Variants in SHISA5 observed in about 807,000 individuals in gnomAD.
The protein encoded by SHISA5 is shisa family member 5, also known as protein shisa-5.
SHISA5 carries 21 observed loss-of-function variants against 27.5 expected under a neutral mutation model. That is an observed-to-expected ratio of 0.76 (90% CI 0.54 to 1.10). The LOEUF (loss-of-function observed/expected upper bound fraction) is 1.10, where lower values mean the gene tolerates loss of function less well. Ranked by LOEUF, SHISA5 falls within the 50% of genes least tolerant of loss-of-function variation. SHISA5 has a pLI of 0.00. For synonymous variants in SHISA5, 137 were observed against 142.2 expected (o/e 0.96, Z 0.26); for missense variants, 314 against 336.3 (o/e 0.93, Z 0.52).
At chr3:48,498,471 G>A (rs564438694) in intron 2 of SHISA5, among the ~76,000 whole-genome samples, 1 of 152,224 alleles carries the variant, frequency 6.6e-6, no homozygotes, top group East Asian at 1.9e-4. Flanking sequence ...CAGATTGCCT[G>A]AGCTCAGTAG....
At chr3:48,485,979 A>G (rs1344366683) in intron 2 of SHISA5, among the ~76,000 whole-genome samples, 1 of 151,244 alleles carries the variant, frequency 6.6e-6, no homozygotes, top group Non-Finnish European at 1.5e-5. Context: ...CTTAAGAGGA[A>G]GGGAGAGACT....
In SHISA5 at chr3:48,473,634, T is replaced by A; in HGVS notation, c.315-3791A>T. The A allele has an allele frequency of 8.4e-7, 1 of 1,187,086 alleles. No homozygotes were observed. The highest frequency in any genetic ancestry group is 1.1e-6 in the Non-Finnish European group (1 of 937,320). The allele number at this position is 1,187,086 out of a possible 1,614,324, so 73.5% of individuals were successfully genotyped here. A position where few individuals can be genotyped will look rare whatever the true frequency, so the allele number is the denominator to read the frequency against. On this transcript the variant is annotated intron_variant, in intron 3 of 5. Coordinates refer to ENST00000296444, the MANE Select transcript of SHISA5 (RefSeq NM_016479.6). The surrounding 1 kb of genome is among the most constrained non-coding windows in gnomAD (Gnocchi z 4.3). ...TACTGGGGCCACCATGCAAGGTCCA[T>A]CATGTCACCACCTGCTCAAACGCCA...
At chr3:48,501,355 G>T in intron 1 of SHISA5, 62 bp from the exon 2 acceptor site, 2 of 1,560,086 alleles carry the variant, frequency 1.3e-6, no homozygotes, top group East Asian at 2.2e-5. Context: ...CAGACACAGC[G>T]CCCTCCCTGG....
intron 2 of SHISA5, among the ~76,000 whole-genome samples, chr3:48,483,748 C>T (rs2041105126): frequency 2.0e-5 from 3 of 150,122 alleles, no homozygotes; most frequent in African/African-American, 2.4e-5. Context: ...CCGGACGGGG[C>T]GGCTGGCCGG....
In SHISA5 at chr3:48,492,150, C is replaced by CAAAAA. The variant is rs1169630533; in HGVS notation, c.233+8982_233+8986dup. Among the ~76,000 whole-genome samples, 21 of 18,918 alleles carry CAAAAA rather than the reference C, an allele frequency of 1.1e-3. 9 individuals are homozygous for CAAAAA. The highest frequency in any genetic ancestry group is 2.1e-3 in the Non-Finnish European group (19 of 9,192). The allele number at this position is 18,918 out of a possible 152,430, so 12.4% of individuals were successfully genotyped here. On this transcript the variant is annotated intron_variant, in intron 2 of 5. Coordinates refer to ENST00000296444, the MANE Select transcript of SHISA5 (RefSeq NM_016479.6). ...CCGGGAACAGAGCAAGACTCCATCT[C>CAAAAA]AAAAAAAAAAAAAAAAAAAAAAAAA... is the stretch of plus-strand genomic sequence containing the variant.
intron 2 of SHISA5, among the ~76,000 whole-genome samples, chr3:48,484,111 T>C (rs944782022): frequency 3.3e-5 from 5 of 152,180 alleles, no homozygotes; most frequent in African/African-American, 1.2e-4. Flanking sequence ...TATAGCACAA[T>C]GGTGTCAGAG....
At chr3:48,497,242 T>C (rs2041580059) in intron 2 of SHISA5, among the ~76,000 whole-genome samples, 1 of 150,286 alleles carries the variant, frequency 6.7e-6, no homozygotes, top group Non-Finnish European at 1.5e-5. Flanking sequence ...GGGTTAACGG[T>C]CTTAAGGCTT....
At chr3:48,477,065 TCTC>T (rs1255022153) in intron 3 of SHISA5, 1 of 445,128 alleles carries the variant, frequency 2.2e-6, no homozygotes, top group African/African-American at 2.1e-5. Flanking sequence ...TTCCGCACTG[TCTC>T]CTCCTTGTTG....
intron 2 of SHISA5, among the ~76,000 whole-genome samples, chr3:48,486,768 C>T (rs929709793): frequency 2.7e-5 from 4 of 148,820 alleles, no homozygotes; most frequent in Non-Finnish European, 5.9e-5. Context: ...AAAAATTTGC[C>T]AGGCATGGTG....
At position 48,468,526 on chromosome 3, in the gene SHISA5, A is replaced by G. The variant is rs2040443540; in HGVS notation, c.*581T>C. Reference sequence around the variant, plus strand: ...ATCCCCAACAGGCATGACAGGCTCCAGGGAGCAATGGGACATCTGCCCAAA... The same window carrying G: ...ATCCCCAACAGGCATGACAGGCTCCGGGGAGCAATGGGACATCTGCCCAAA... On this transcript the variant is annotated 3_prime_UTR_variant, in exon 6 of 6. Coordinates refer to ENST00000296444, the MANE Select transcript of SHISA5 (RefSeq NM_016479.6). 8.4e-7 allele frequency: 1 copy of G among 1,186,664 alleles called. No homozygotes were observed. Among genetic ancestry groups the G allele is most frequent in the Non-Finnish European group, 1.1e-6 (1 of 941,834 alleles). 73.5% of individuals were successfully genotyped at this position (1,186,664 alleles called of 1,614,324 possible).
Position 48,469,361 on chromosome 3 carries a change from C to A in SHISA5, c.643G>T (p.Gly215Ter). Residue 215 changes from glycine to a stop codon, truncating the protein, a stop_gained and splice_region_variant, in exon 5 of 6, where the codon GGA (glycine) becomes TGA (stop). Transcript: ENST00000296444. LOFTEE classifies it high-confidence loss of function. The surrounding 1 kb of genome is among the most constrained non-coding windows in gnomAD (Gnocchi z 4.6). Reference protein sequence around the residue: ...GPPAYHETLAGGAAAPYPASQ... With the variant: ...GPPAYHETLA ...GGCTAGAGTTGGCAGGGGCACTCAC[C>A]AGCCAGGGTCTCGTGGTAGGCCGGT... 1 of 1,581,172 alleles carries A rather than the reference C, an allele frequency of 6.3e-7. No individual in the cohort carries two copies. Among genetic ancestry groups the A allele is most frequent in the South Asian group, 1.2e-5 (1 of 86,012 alleles).
rs529319179 is a variant in SHISA5, at chr3:48,486,868, C to T, written c.234-7611G>A. Among the ~76,000 whole-genome samples, 681 of 148,416 alleles carry T rather than the reference C, an allele frequency of 4.6e-3. 2 individuals carry two copies. Among genetic ancestry groups the T allele is most frequent in the African/African-American group, 0.016 (637 of 40,392 alleles). On this transcript the variant is annotated intron_variant, in intron 2 of 5. Transcript: ENST00000296444. The stretch of plus-strand genomic sequence containing the variant: ...CCGGGAGGTGGAGGTTACAGTGAGC[C>T]GAGACTGAGCCACTGCACGCCAGCC...
At chr3:48,478,164 C>T (rs764144898) in intron 3 of SHISA5, among the ~76,000 whole-genome samples, 3 of 152,242 alleles carry the variant, frequency 2.0e-5, no homozygotes, top group Non-Finnish European at 2.9e-5. Context: ...AGGACAGCCG[C>T]TCCTGGGCTC....
chr3:48,501,028 A>G (rs1208407791), intron 2 of SHISA5, 109 bp downstream of exon 2: 3 of 1,275,294 alleles, frequency 2.4e-6, no homozygotes, highest in African/African-American at 3.0e-5. Context: ...TCTGGCCACC[A>G]TCTTGAGAGG....
chr3:48,490,005 C>T (rs1298450513), intron 2 of SHISA5, among the ~76,000 whole-genome samples: 1 of 152,162 alleles, frequency 6.6e-6, no homozygotes, highest in Non-Finnish European at 1.5e-5. Flanking sequence ...AAGGCTGCCA[C>T]TCCCACCACA....
Position 48,504,077 on chromosome 3 carries a change from G to C in SHISA5, c.18C>G (p.Pro6=). 1 of 1,402,350 alleles carries C rather than the reference G, an allele frequency of 7.1e-7. No homozygotes were observed. Among genetic ancestry groups the C allele is most frequent in the Non-Finnish European group, 9.3e-7 (1 of 1,070,150 alleles). 86.9% of individuals were successfully genotyped at this position (1,402,350 alleles called of 1,614,324 possible). The change falls in exon 1 of 6, where the codon CCC becomes CCG. Residue 6 remains proline, a synonymous_variant. Transcript: ENST00000296444. This position sits in a 1 kb window ranked among gnomAD's most constrained non-coding sequence, Gnocchi z 4.0. MTAPV[P]APRILLPLLL... is the part of the protein sequence containing the mutation. ...GCAACGGCAACAGGATCCGCGGCGC[G>C]GGGACCGGCGCAGTCATGGCTGGGC...
At chr3:48,497,127 G>C (rs934442326) in intron 2 of SHISA5, among the ~76,000 whole-genome samples, 1 of 151,572 alleles carries the variant, frequency 6.6e-6, no homozygotes, top group Non-Finnish European at 1.5e-5. Flanking sequence ...AGCTACTCTG[G>C]AGGCTGAGGC....
intron 1 of SHISA5, chr3:48,503,209 T>G: frequency 7.8e-7 from 1 of 1,286,826 alleles, no homozygotes; most frequent in Non-Finnish European, 1.0e-6. Flanking sequence ...GACACACCGG[T>G]GAGGCTGTTT....
chr3:48,496,402 G>C (rs1348721461), intron 2 of SHISA5, among the ~76,000 whole-genome samples: 2 of 152,028 alleles, frequency 1.3e-5, no homozygotes, highest in African/African-American at 4.8e-5. Flanking sequence ...GACCATCCTG[G>C]CTAACATGGT....
Sources: allele counts gnomAD v4.1 joint callset (sites outside exome capture counted in the v4.1 genomes callset), GRCh38; gene constraint gnomAD v4.1.1; non-coding constraint Gnocchi (gnomAD v3.1); transcripts MANE v1.5; gene names NCBI Gene and HGNC (gene_info 2026-07-23, HGNC 2026-07-21).